PDE10A: variants seen among roughly 807,000 people sequenced by gnomAD.
The protein encoded by PDE10A is phosphodiesterase 10A.
A neutral mutation model predicts 97.7 loss-of-function variants in PDE10A; 39 were observed. The observed-to-expected ratio is 0.40, with a 90% CI of 0.31 to 0.52. The LOEUF is 0.52. PDE10A is among the 20% of genes least tolerant of loss of function. The pLI, the probability that PDE10A is intolerant of heterozygous loss-of-function variation, is 0.56. For synonymous variants in PDE10A, 371 were observed against 376.8 expected (o/e 0.98, Z 0.18); for missense variants, 731 against 1,047.8 (o/e 0.70, Z 4.17).
chr6:165,557,080 A>G (rs1333697709), intron 1 of PDE10A, among the ~76,000 whole-genome samples: 1 of 152,192 alleles, frequency 6.6e-6, no homozygotes, highest in Non-Finnish European at 1.5e-5. Flanking sequence ...CGGAGGTTGC[A>G]GTGAGTCGAG....
chr6:165,551,327 TTC>T (rs1277993024), intron 1 of PDE10A, among the ~76,000 whole-genome samples: 1 of 152,226 alleles, frequency 6.6e-6, no homozygotes, highest in Non-Finnish European at 1.5e-5. Context: ...CTACAACTGT[TTC>T]ACCTCCTTCC....
chr6:165,453,111 T>A (rs1777736403), intron 3 of PDE10A, among the ~76,000 whole-genome samples: 1 of 152,134 alleles, frequency 6.6e-6, no homozygotes, highest in African/African-American at 2.4e-5. Context: ...CCCAGGGCTA[T>A]ATAGAAAGCA....
intron 1 of PDE10A, among the ~76,000 whole-genome samples, chr6:165,583,428 A>AAGG (rs2128357408): frequency 6.6e-6 from 1 of 152,386 alleles, no homozygotes; most frequent in East Asian, 1.9e-4. Flanking sequence ...AACCTGTAGA[A>AAGG]TGTTGCCTTA....
chr6:165,864,752 T>C (rs1014294676), intron 1 of PDE10A, among the ~76,000 whole-genome samples: 5 of 152,150 alleles, frequency 3.3e-5, no homozygotes, highest in Non-Finnish European at 7.4e-5. Context: ...GGCAAAAAAA[T>C]TAATGTCCCC....
chr6:165,694,167 G>A (rs9459477), intron 1 of PDE10A, among the ~76,000 whole-genome samples: 1 of 152,086 alleles, frequency 6.6e-6, no homozygotes, highest in Non-Finnish European at 1.5e-5. Context: ...CCGTGCACAC[G>A]TATATCTCAT....
chr6:165,946,703 G>A (rs980888970), intron 1 of PDE10A: 6 of 151,776 alleles, frequency 4.0e-5, no homozygotes, highest in African/African-American at 1.5e-4. Flanking sequence ...AAAACTACCT[G>A]GCTATTTAAA....
At chr6:165,568,822 T>A (rs1427019145) in intron 1 of PDE10A, among the ~76,000 whole-genome samples, 1 of 152,172 alleles carries the variant, frequency 6.6e-6, no homozygotes, top group African/African-American at 2.4e-5. Context: ...CAAGAATTTG[T>A]GAAGAAGGAA....
At chr6:165,746,539 G>T (rs539915723) in intron 1 of PDE10A, among the ~76,000 whole-genome samples, 114 of 152,360 alleles carry the variant, frequency 7.5e-4, no homozygotes, top group Non-Finnish European at 1.4e-3. Context: ...TACCCATTCA[G>T]TAGTGAGGGT....
chr6:165,951,495 C>T (rs979144901), intron 1 of PDE10A, among the ~76,000 whole-genome samples: 1 of 152,096 alleles, frequency 6.6e-6, no homozygotes, highest in Non-Finnish European at 1.5e-5. Context: ...TCCCTACCAA[C>T]CGTCAATTGC....
intron 1 of PDE10A, among the ~76,000 whole-genome samples, chr6:165,920,730 AT>A (rs1032258623): frequency 1.3e-5 from 2 of 151,616 alleles, no homozygotes; most frequent in Middle Eastern, 3.4e-3. Flanking sequence ...CAATCTTTCT[AT>A]TTTTTTTCTG....
chr6:165,695,045 T>C (rs1309046351), intron 1 of PDE10A, among the ~76,000 whole-genome samples: 1 of 152,012 alleles, frequency 6.6e-6, no homozygotes, highest in African/African-American at 2.4e-5. Flanking sequence ...CTAACACATT[T>C]CCCCCGGAAG....
intron 1 of PDE10A, among the ~76,000 whole-genome samples, chr6:165,561,389 A>C (rs570776793): frequency 6.6e-6 from 1 of 152,284 alleles, no homozygotes; most frequent in East Asian, 1.9e-4. Context: ...CCTCTTCTTC[A>C]TAAATTACCC....
rs1158314478 is a variant in PDE10A, at chr6:165,671,958, G to A, written c.-614-128390C>T. Among the ~76,000 whole-genome samples the A allele has an allele frequency of 6.6e-6, 1 of 152,178 alleles. No homozygotes were observed. The highest frequency in any genetic ancestry group is 1.5e-5 in the Non-Finnish European group (1 of 68,036). ...TATGCCATGAAACTCTATCCCATCT[G>A]TTTTCAGTCAAACTATATTACTTCC... On this transcript the variant is annotated intron_variant, in intron 1 of 19. Transcript: ENST00000366882. This position sits in a 1 kb window ranked among gnomAD's most constrained non-coding sequence, Gnocchi z 4.6.
chr6:165,654,909 C>T (rs989736075), intron 1 of PDE10A, among the ~76,000 whole-genome samples: 34 of 152,318 alleles, frequency 2.2e-4, no homozygotes, highest in Non-Finnish European at 2.8e-4. Context: ...CGGGTCACAC[C>T]TCTCCAGGGT....
At chr6:165,601,078 T>C (rs1230755794) in intron 1 of PDE10A, among the ~76,000 whole-genome samples, 1 of 152,188 alleles carries the variant, frequency 6.6e-6, no homozygotes, top group East Asian at 1.9e-4. Flanking sequence ...AATTGAATCA[T>C]GGGAGTTGGT....
In PDE10A at chr6:165,758,493, A is replaced by G. The variant is rs200116354; in HGVS notation, c.-614-214925T>C. Among the ~76,000 whole-genome samples the G allele has an allele frequency of 7.2e-5, 9 of 124,978 alleles. No homozygotes were observed. In the East Asian group the frequency reaches 1.3e-3, roughly 18 times the overall value. 82.0% of individuals were successfully genotyped at this position (124,978 alleles called of 152,430 possible). ...GAAGAAGAAAGAAGAAAGGAGAAAGAAGAAAGAAGAAAGAAGAAAGAAGAA... is the reference window on the plus strand; with the variant it reads ...GAAGAAGAAAGAAGAAAGGAGAAAGGAGAAAGAAGAAAGAAGAAAGAAGAA... On this transcript the variant is annotated intron_variant, in intron 1 of 19. Transcript: ENST00000366882.
At chr6:165,478,766 CT>C (rs1779436333) in intron 3 of PDE10A, among the ~76,000 whole-genome samples, 1 of 152,162 alleles carries the variant, frequency 6.6e-6, no homozygotes, top group Non-Finnish European at 1.5e-5. Flanking sequence ...GCTCTGAAAC[CT>C]GCTACTTGGG....
intron 2 of PDE10A, among the ~76,000 whole-genome samples, chr6:165,540,292 T>C (rs368983146): frequency 3.9e-5 from 6 of 152,222 alleles, no homozygotes; most frequent in Non-Finnish European, 8.8e-5. Context: ...TCTGCTGCAA[T>C]ACTCAAATCA....
intron 1 of PDE10A, among the ~76,000 whole-genome samples, chr6:165,862,568 G>A (rs1780934426): frequency 6.6e-6 from 1 of 152,056 alleles, no homozygotes; most frequent in Non-Finnish European, 1.5e-5. Flanking sequence ...TGAAAACCCA[G>A]AAGAGCAGTA....
Sources: allele counts gnomAD v4.1 joint callset (sites outside exome capture counted in the v4.1 genomes callset), GRCh38; gene constraint gnomAD v4.1.1; non-coding constraint Gnocchi (gnomAD v3.1); transcripts MANE v1.5; gene names NCBI Gene and HGNC (gene_info 2026-07-23, HGNC 2026-07-21).